The following PIGN variants were observed in gnomAD, a reference collection of about 807,000 sequenced individuals.
The protein encoded by PIGN is phosphatidylinositol glycan anchor biosynthesis class N.
PIGN carries 117 observed loss-of-function variants against 125.4 expected under a neutral mutation model. The ratio of observed to expected loss-of-function variants is 0.93; its 90% CI spans 0.80 to 1.09. The LOEUF is 1.09. Ranked by LOEUF, PIGN falls within the 50% of genes least tolerant of loss-of-function variation. The probability of loss-of-function intolerance (pLI) is 0.00; values close to 1 mark genes in which losing one functional copy is unlikely to be tolerated. For synonymous variants in PIGN, 392 were observed against 377.8 expected (o/e 1.04, Z -0.44); for missense variants, 1,075 against 1,094.9 (o/e 0.98, Z 0.26).
At chr18:62,164,114 A>G (rs1362699329) in intron 1 of PIGN, among the ~76,000 whole-genome samples, 1 of 152,140 alleles carries the variant, frequency 6.6e-6, no homozygotes, top group African/African-American at 2.4e-5. Flanking sequence ...CCTTTTGGTG[A>G]CTGTGAGTGA....
At chr18:62,148,135 CA>C (rs778367216) in intron 8 of PIGN, 78 bp downstream of exon 8, 2 of 1,131,774 alleles carry the variant, frequency 1.8e-6, no homozygotes, top group South Asian at 3.3e-5. Flanking sequence ...GTTATAATTC[CA>C]AAGAAAACTT....
intron 14 of PIGN, among the ~76,000 whole-genome samples, chr18:62,130,805 T>C (rs1417671043): frequency 6.6e-6 from 1 of 152,160 alleles, no homozygotes; most frequent in Non-Finnish European, 1.5e-5. Flanking sequence ...AATACTTGTC[T>C]ATTCCTTTTT....
At chr18:62,124,949 AC>A (rs1459396992) in intron 14 of PIGN, among the ~76,000 whole-genome samples, 1 of 141,508 alleles carries the variant, frequency 7.1e-6, no homozygotes, top group Non-Finnish European at 1.6e-5. Flanking sequence ...ATAGTTAAAT[AC>A]AAAAAAAGCA....
At chr18:62,039,595 G>A (rs1281810348), downstream of PIGN, among the ~76,000 whole-genome samples, 4 of 103,976 alleles carry the variant, frequency 3.8e-5, no homozygotes, top group South Asian at 3.1e-4. Context: ...CCAGGGTGCC[G>A]CACCCCATGT....
rs1323422715 is a variant in PIGN at position 62,032,658 on chromosome 18, A to AT, written c.2143-14918_2143-14917insA. Among the ~76,000 whole-genome samples, 653 of 152,328 alleles carry AT rather than the reference A, an allele frequency of 4.3e-3. 4 individuals are homozygous for AT. Among genetic ancestry groups the AT allele is most frequent in the African/African-American group, 0.015 (622 of 41,564 alleles). On this transcript the variant is annotated intron_variant, in intron 23 of 24. Coordinates refer to the PIGN transcript ENST00000639600. ...ATGTTTGGGAAAACTATGCATTTAA[A>AT]ATTTTTTTTAAAAGTCTCATTGTTT...
chr18:62,132,621 C>T (rs1173329084), intron 14 of PIGN, among the ~76,000 whole-genome samples: 2 of 151,922 alleles, frequency 1.3e-5, no homozygotes, highest in Non-Finnish European at 2.9e-5. Context: ...GCAGGCAGAC[C>T]GCTTGAGCCC....
intron 5 of PIGN, 74 bp from the exon 6 acceptor site, chr18:62,157,301 T>C: frequency 1.4e-6 from 1 of 712,134 alleles, no homozygotes; most frequent in Non-Finnish European, 2.4e-6. Context: ...ATTCTTCAAA[T>C]AATAACAATT....
intron 30 of PIGN, among the ~76,000 whole-genome samples, chr18:62,063,220 G>A (rs1173462802): frequency 6.8e-6 from 1 of 146,320 alleles, no homozygotes; most frequent in Non-Finnish European, 1.5e-5. Flanking sequence ...CAAAATCTAT[G>A]GTTTTATAGA....
intron 7 of PIGN, among the ~76,000 whole-genome samples, chr18:62,151,422 C>A (rs1187518025): frequency 6.6e-6 from 1 of 152,134 alleles, no homozygotes; most frequent in Non-Finnish European, 1.5e-5. Flanking sequence ...CATTAATAGA[C>A]CAAATGGCAT....
At chr18:62,083,370 A>G (rs1245042332) in intron 27 of PIGN, among the ~76,000 whole-genome samples, 2 of 152,106 alleles carry the variant, frequency 1.3e-5, no homozygotes, top group African/African-American at 4.8e-5. Flanking sequence ...TTGCTTTCCA[A>G]TTATCAATTT....
At position 62,185,375 on chromosome 18, in the gene PIGN, C is replaced by T. The variant is rs192823239; in HGVS notation, c.-236+1469G>A. Among the ~76,000 whole-genome samples the T allele has an allele frequency of 2.2e-4, 34 of 152,160 alleles. 1 individual carries two copies. The East Asian group carries it at 4.4e-3, about 20-fold the overall frequency. ...CTATTTATCATTAAAACATTGGGAA[C>T]TAATGTCCTATAAAAAAATAGTTTA... On this transcript the variant is annotated intron_variant, in intron 1 of 30. Transcript: ENST00000640252.
chr18:62,034,645 A>G (rs2030234575), intron 23 of PIGN, among the ~76,000 whole-genome samples: 1 of 152,128 alleles, frequency 6.6e-6, no homozygotes, highest in South Asian at 2.1e-4. Flanking sequence ...GCCTTCTTGG[A>G]TTCTGGACTT....
intron 30 of PIGN, among the ~76,000 whole-genome samples, chr18:62,067,735 T>C (rs2032607696): frequency 6.6e-6 from 1 of 152,202 alleles, no homozygotes; most frequent in Admixed American, 6.5e-5. Flanking sequence ...CTGATGAACA[T>C]TTGGGTTGTT....
chr18:62,131,675 T>C (rs1016933807), intron 14 of PIGN, among the ~76,000 whole-genome samples: 5 of 152,154 alleles, frequency 3.3e-5, no homozygotes, highest in Non-Finnish European at 7.4e-5. Flanking sequence ...TGCAAAAAAA[T>C]AGGATATGCA....
At chr18:62,110,257 T>A (rs1432699743) in intron 16 of PIGN, 1 of 252,908 alleles carries the variant, frequency 4.0e-6, no homozygotes, top group East Asian at 7.3e-5. Context: ...TGTTCAGAAT[T>A]CTGAACATGT....
intron 23 of PIGN, among the ~76,000 whole-genome samples, chr18:62,023,331 G>A (rs1391453308): frequency 6.6e-6 from 1 of 152,090 alleles, no homozygotes; most frequent in Non-Finnish European, 1.5e-5. Flanking sequence ...CAATCTATGT[G>A]GTCTTTTGTG....
chr18:62,110,819 A>G (rs2146524737), intron 16 of PIGN, among the ~76,000 whole-genome samples: 1 of 150,192 alleles, frequency 6.7e-6, no homozygotes, highest in East Asian at 1.9e-4. Context: ...GTGCACATGT[A>G]CCCTAGAACT....
At chr18:62,071,866 A>ATATATATATATATATGTATG (rs1168163852) in intron 30 of PIGN, among the ~76,000 whole-genome samples, 1 of 3,248 alleles carries the variant, frequency 3.1e-4, no homozygotes, top group African/African-American at 1.0e-3. Context: ...CCTTTTCCAT[A>ATATATATATATATATGTATG]TATATATATA....
At chr18:62,170,375 G>GTC (rs35204621) in intron 1 of PIGN, among the ~76,000 whole-genome samples, 88,436 of 151,832 alleles carry the variant, frequency 0.58, 26,529 homozygotes, top group East Asian at 0.78. Flanking sequence ...CTCACTTCAT[G>GTC]TCTGTGTCAT....
Sources: gnomAD v4.1 joint callset for allele counts (sites outside exome capture counted in the v4.1 genomes callset) on GRCh38, gnomAD v4.1.1 for gene constraint, MANE v1.5 for transcripts, NCBI Gene and HGNC (gene_info 2026-07-23, HGNC 2026-07-21) for gene names.